The following DNAJA2 variants were observed in gnomAD, a reference collection of about 807,000 sequenced individuals.
DNAJA2 encodes dnaJ homolog subfamily A member 2.
Under a neutral mutation model 49.3 loss-of-function variants are expected in DNAJA2, and 6 were observed. The observed-to-expected ratio is 0.12, with a 90% CI of 0.07 to 0.24. The LOEUF is 0.24. Among genes scored for constraint, DNAJA2 ranks in the 10% least tolerant of loss-of-function variants. DNAJA2 has a pLI of 1.00. For missense variants in DNAJA2, 347 were observed against 516.8 expected (o/e 0.67, Z 3.19); for synonymous variants, 160 against 172.7 (o/e 0.93, Z 0.58).
At position 46,973,672 on chromosome 16, in the gene DNAJA2, A is replaced by C. The variant is rs1167350658; in HGVS notation, c.-100T>G. Reference sequence around the variant, plus strand: ...GGCGGCGGCACAGGCCGAGGGAGACAGCGAGGGGGAAGCGGGGGCGGGGCT... The same window carrying C: ...GGCGGCGGCACAGGCCGAGGGAGACCGCGAGGGGGAAGCGGGGGCGGGGCT... On this transcript the variant is annotated 5_prime_UTR_variant, in exon 1 of 9. Coordinates refer to ENST00000317089, the MANE Select transcript of DNAJA2 (RefSeq NM_005880.4). 4 of 1,275,170 alleles carry C rather than the reference A, an allele frequency of 3.1e-6. No individual in the cohort carries two copies. The highest frequency in any genetic ancestry group is 4.2e-5 in the Admixed American group (2 of 47,626). The allele number at this position is 1,275,170 out of a possible 1,614,324, so 79.0% of individuals were successfully genotyped here. A position where few individuals can be genotyped will look rare whatever the true frequency, so the allele number is the denominator to read the frequency against.
At position 46,971,369 on chromosome 16, in the gene DNAJA2, C is replaced by T. The variant is rs764894307; in HGVS notation, c.342G>A (p.Glu114=). 6.2e-7 allele frequency: 1 copy of T among 1,612,778 alleles called. No individual in the cohort carries two copies. Among genetic ancestry groups the T allele is most frequent in the East Asian group, 2.2e-5 (1 of 44,848 alleles). ...TTCACTTGAGTGGATGCATCATGTC[C>T]TCTCCTCTTCTTCTGCCATTTCGAC... The part of the protein sequence containing the change: ...SRSRNGRRRG[E]DMMHPLKVSL... Residue 114 remains glutamate (E), a synonymous_variant, in exon 3 of 9, where the codon GAG becomes GAA. Coordinates refer to ENST00000317089, the MANE Select transcript of DNAJA2 (RefSeq NM_005880.4).
chr16:46,956,095 G>A lies in DNAJA2; in HGVS notation c.*934C>T, dbSNP rs1220850735. On this transcript the variant is annotated 3_prime_UTR_variant, in exon 9 of 9. Transcript: ENST00000317089. ...TCTATGCAGACATGGTTTTACTATAGATTTGCTGTTACCTTATTTTTTTAA... is the reference window on the plus strand; with the variant it reads ...TCTATGCAGACATGGTTTTACTATAAATTTGCTGTTACCTTATTTTTTTAA... 1 of 152,150 alleles carries A rather than the reference G, an allele frequency of 6.6e-6. No homozygotes were observed. Among genetic ancestry groups the A allele is most frequent in the Non-Finnish European group, 1.5e-5 (1 of 68,026 alleles). The allele number at this position is 152,150 out of a possible 1,614,324, so 9.4% of individuals were successfully genotyped here.
intron 4 of DNAJA2, 116 bp downstream of exon 4, chr16:46,967,960 GGTGTGAGC>G (rs1961996135): frequency 1.1e-6 from 1 of 948,144 alleles, no homozygotes; most frequent in Non-Finnish European, 1.6e-6. Context: ...TGGGATTTCA[GGTGTGAGC>G]CACCGCACCC....
chr16:46,965,595 C>T (rs1214421347), intron 5 of DNAJA2, among the ~76,000 whole-genome samples: 4 of 151,846 alleles, frequency 2.6e-5, no homozygotes, highest in South Asian at 2.1e-4. Context: ...CTTTGGGAGG[C>T]GAAGGCGGGA....
intron 1 of DNAJA2, 188 bp from the exon 2 acceptor site, chr16:46,972,143 G>C: frequency 1.8e-6 from 1 of 566,742 alleles, no homozygotes; most frequent in South Asian, 2.3e-5. Context: ...TAACCAAGTA[G>C]ACAGCAGCTA....
Position 46,973,646 on chromosome 16 carries a change from CG to C in DNAJA2, c.-75del. ...GCGGAGTCGGGCCCACAAGCGGCGT[CG>C]GCGGCGGCACAGGCCGAGGGAGACA... is the stretch of plus-strand genomic sequence containing the variant. On this transcript the variant is annotated 5_prime_UTR_variant, in exon 1 of 9. Transcript: ENST00000317089. 8 of 1,499,146 alleles carry C rather than the reference CG, an allele frequency of 5.3e-6. No homozygotes were observed. The highest frequency in any genetic ancestry group is 6.3e-6 in the Non-Finnish European group (7 of 1,110,916). The allele number at this position is 1,499,146 out of a possible 1,614,324, so 92.9% of individuals were successfully genotyped here.
Position 46,963,067 on chromosome 16 carries a change from G to T in DNAJA2, c.774+1544C>A, listed in dbSNP as rs189640278. ...TTGCCCACCTTTTTAGAATTAAAAA[G>T]AATAACCTTTCACTGAACATAATAC... On this transcript the variant is annotated intron_variant, in intron 6 of 8. Transcript: ENST00000317089. Among the ~76,000 whole-genome samples, 25 of 152,182 alleles carry T rather than the reference G, an allele frequency of 1.6e-4. No homozygotes were observed. In the East Asian group the frequency reaches 4.6e-3, roughly 28 times the overall value.
rs1491451608 is a variant in DNAJA2 at position 46,955,853 on chromosome 16, CCT to C, written c.*1174_*1175del. ...TTTTACCTGATTTTTCTCAAACCAGCCTTTTTTTTTTGCTTATTTTTAGTTTG... is the reference window on the plus strand; with the variant it reads ...TTTTACCTGATTTTTCTCAAACCAGCTTTTTTTTTGCTTATTTTTAGTTTG... On this transcript the variant is annotated 3_prime_UTR_variant, in exon 9 of 9. Coordinates refer to ENST00000317089, the MANE Select transcript of DNAJA2 (RefSeq NM_005880.4). The C allele has an allele frequency of 6.6e-6, 1 of 151,422 alleles. No individual in the cohort carries two copies. The highest frequency in any genetic ancestry group is 1.5e-5 in the Non-Finnish European group (1 of 67,750). 9.4% of individuals were successfully genotyped at this position (151,422 alleles called of 1,614,324 possible).
chr16:46,968,249 C>T, intron 3 of DNAJA2, 85 bp from the exon 4 acceptor site: 3 of 850,512 alleles, frequency 3.5e-6, no homozygotes, highest in South Asian at 1.7e-5. Flanking sequence ...ACAGCAAATT[C>T]GTTATCAACT....
At chr16:46,963,001 CTTT>C (rs754539642) in intron 6 of DNAJA2, among the ~76,000 whole-genome samples, 1 of 152,184 alleles carries the variant, frequency 6.6e-6, no homozygotes, top group Non-Finnish European at 1.5e-5. Flanking sequence ...CGATCTCCTT[CTTT>C]ATCAAATATA....
chr16:46,972,164 C>T (rs545644372), intron 1 of DNAJA2: 1 of 529,772 alleles, frequency 1.9e-6, no homozygotes, highest in African/African-American at 1.9e-5. Context: ...TACTTGAAAA[C>T]AGGTTACAGT....
rs908004077 is a variant in DNAJA2, at chr16:46,955,949, C to T, written c.*1080G>A. Reference sequence around the variant, plus strand: ...TCTTAAATTCTGAATAAGCATCTTACTTTTCTATAAAACATTACAGAAACT... The same window carrying T: ...TCTTAAATTCTGAATAAGCATCTTATTTTTCTATAAAACATTACAGAAACT... On this transcript the variant is annotated 3_prime_UTR_variant, in exon 9 of 9. Transcript: ENST00000317089. 2.0e-5 allele frequency: 3 copies of T among 152,048 alleles called. No homozygotes were observed. Among genetic ancestry groups the T allele is most frequent in the African/African-American group, 7.2e-5 (3 of 41,398 alleles). The allele number at this position is 152,048 out of a possible 1,614,324, so 9.4% of individuals were successfully genotyped here. A position where few individuals can be genotyped will look rare whatever the true frequency, so the allele number is the denominator to read the frequency against.
rs1346617328 is a variant in DNAJA2, at chr16:46,973,519, G to C, written c.54C>G (p.Gly18=). 17 of 1,602,576 alleles carry C rather than the reference G, an allele frequency of 1.1e-5. No individual in the cohort carries two copies. The highest frequency in any genetic ancestry group is 1.4e-5 in the Non-Finnish European group (17 of 1,177,568). Residue 18 remains glycine, a synonymous_variant, in exon 1 of 9, where the codon GGC becomes GGG. Coordinates refer to ENST00000317089, the MANE Select transcript of DNAJA2 (RefSeq NM_005880.4). The part of the protein sequence containing the change: ...KLYDILGVPP[G]ASENELKKAY... ...CCTTCTTCAGCTCGTTCTCGCTGGC[G>C]CCGGGCGGGACGCCCAGGATGTCGT...
At chr16:46,961,112 T>A (rs984679189) in intron 6 of DNAJA2, among the ~76,000 whole-genome samples, 1 of 152,066 alleles carries the variant, frequency 6.6e-6, no homozygotes, top group Non-Finnish European at 1.5e-5. Flanking sequence ...TCATACTATT[T>A]TAGGATGCAT....
rs566443366 is a variant in DNAJA2, at chr16:46,958,540, G to A, written c.1047+463C>T. 5 of 152,358 alleles carry A rather than the reference G, an allele frequency of 3.3e-5. No individual in the cohort carries two copies. In the East Asian group the frequency reaches 7.7e-4, roughly 24 times the overall value. 9.4% of individuals were successfully genotyped at this position (152,358 alleles called of 1,614,324 possible). ...GATCGTGCCACTGCACTCAAGCCTGGGTGACAGAGCAAGACTCCATCTCAA... is the reference window on the plus strand; with the variant it reads ...GATCGTGCCACTGCACTCAAGCCTGAGTGACAGAGCAAGACTCCATCTCAA... On this transcript the variant is annotated intron_variant, in intron 8 of 8. Coordinates refer to ENST00000317089, the MANE Select transcript of DNAJA2 (RefSeq NM_005880.4).
At chr16:46,968,248 T>G in intron 3 of DNAJA2, 84 bp from the exon 4 acceptor site, 3 of 871,686 alleles carry the variant, frequency 3.4e-6, no homozygotes, top group Non-Finnish European at 5.4e-6. Context: ...TACAGCAAAT[T>G]CGTTATCAAC....
intron 6 of DNAJA2, among the ~76,000 whole-genome samples, chr16:46,963,316 G>T (rs1337244718): frequency 6.6e-6 from 1 of 152,020 alleles, no homozygotes; most frequent in Non-Finnish European, 1.5e-5. Context: ...TCTTTGAGTA[G>T]GGTCTACAGT....
rs534732542 is a variant in DNAJA2 at position 46,963,632 on chromosome 16, G to A, written c.774+979C>T. Among the ~76,000 whole-genome samples, 7 of 152,042 alleles carry A rather than the reference G, an allele frequency of 4.6e-5. No homozygotes were observed. The South Asian group carries it at 1.2e-3, about 27-fold the overall frequency. On this transcript the variant is annotated intron_variant, in intron 6 of 8. Transcript: ENST00000317089. ...GGGAGGATTGCTTGGGCCCAGGGGC[G>A]AAGGTTGCAGTGATCCCAGATCACA...
At chr16:46,972,295 A>C in intron 1 of DNAJA2, 1 of 219,112 alleles carries the variant, frequency 4.6e-6, no homozygotes. Flanking sequence ...GACCAAGACG[A>C]CCCTAATAAA....
Sources: allele counts gnomAD v4.1 joint callset (sites outside exome capture counted in the v4.1 genomes callset), GRCh38; gene constraint gnomAD v4.1.1; transcripts MANE v1.5; gene names NCBI Gene and HGNC (gene_info 2026-07-23, HGNC 2026-07-21).